Variants in SOX5 observed in about 807,000 individuals in gnomAD.
SOX5 encodes the protein transcription factor SOX-5.
A neutral mutation model predicts 92.0 loss-of-function variants in SOX5; 9 were observed. That is an observed-to-expected ratio of 0.10 (90% CI 0.06 to 0.17). The LOEUF is 0.17. SOX5 is among the 10% of genes least tolerant of loss of function. SOX5 has a pLI of 1.00. For synonymous variants in SOX5, 344 were observed against 336.3 expected, an observed-to-expected ratio of 1.02 and a Z score of -0.25; for missense variants, 642 against 944.5, an observed-to-expected ratio of 0.68 and a Z score of 4.20.
At chr12:23,740,206 C>T (rs748851534) in intron 5 of SOX5, among the ~76,000 whole-genome samples, 4 of 152,166 alleles carry the variant, frequency 2.6e-5, no homozygotes, top group Non-Finnish European at 2.9e-5. Context: ...TGTAATTCAA[C>T]ATCATAAAAC....
chr12:23,715,673 T>C (rs890172461), intron 6 of SOX5, among the ~76,000 whole-genome samples: 1 of 152,030 alleles, frequency 6.6e-6, no homozygotes, highest in Non-Finnish European at 1.5e-5. Flanking sequence ...AAGACGCCAG[T>C]TGTGGCGAAG....
chr12:23,880,086 T>C (rs1465295645), intron 2 of SOX5, among the ~76,000 whole-genome samples: 4 of 152,048 alleles, frequency 2.6e-5, no homozygotes, highest in Non-Finnish European at 5.9e-5. Flanking sequence ...AGAATTAAGC[T>C]CTAGAGGAGC....
intron 6 of SOX5, among the ~76,000 whole-genome samples, chr12:23,727,457 A>G (rs2093194502): frequency 6.6e-6 from 1 of 152,138 alleles, no homozygotes; most frequent in Admixed American, 6.6e-5. Context: ...TAATAAGACC[A>G]ATAACATAAG....
At chr12:23,596,500 C>T (rs559418241) in intron 9 of SOX5, among the ~76,000 whole-genome samples, 36 of 152,266 alleles carry the variant, frequency 2.4e-4, no homozygotes, top group African/African-American at 8.7e-4. Flanking sequence ...GGAACCAACT[C>T]TGACATTAAG....
intron 1 of SOX5, among the ~76,000 whole-genome samples, chr12:24,536,698 T>G (rs542604651): frequency 6.6e-6 from 1 of 152,174 alleles, no homozygotes; most frequent in South Asian, 2.1e-4. Context: ...CTAGCACCAG[T>G]TCTTGAAAAC....
At chr12:24,059,850 A>G (rs1939325561) in intron 4 of SOX5, among the ~76,000 whole-genome samples, 1 of 152,254 alleles carries the variant, frequency 6.6e-6, no homozygotes, top group African/African-American at 2.4e-5. Flanking sequence ...TGTGAAGGAT[A>G]CTGTGGGAGA....
chr12:23,598,461 C>T (rs988295109), intron 9 of SOX5, among the ~76,000 whole-genome samples: 7 of 138,150 alleles, frequency 5.1e-5, no homozygotes, highest in Admixed American at 8.1e-5. Context: ...TGCAGTGGCG[C>T]GATCTCGGCT....
At chr12:23,823,235 T>C (rs544190338) in intron 3 of SOX5, among the ~76,000 whole-genome samples, 1 of 152,320 alleles carries the variant, frequency 6.6e-6, no homozygotes, top group East Asian at 1.9e-4. Context: ...TTTTGGTTTG[T>C]TTTTGCAGTG....
chr12:24,183,040 G>A (rs1051012817), intron 4 of SOX5, among the ~76,000 whole-genome samples: 4 of 152,098 alleles, frequency 2.6e-5, no homozygotes, highest in Non-Finnish European at 5.9e-5. Context: ...TACTGAAATA[G>A]TGTCACTTTT....
intron 4 of SOX5, among the ~76,000 whole-genome samples, chr12:24,103,475 C>G (rs1164386476): frequency 6.6e-6 from 1 of 152,062 alleles, no homozygotes; most frequent in Non-Finnish European, 1.5e-5. Context: ...CCACCTCAGC[C>G]TCCCAAGTAG....
At position 23,604,546 on chromosome 12, in the gene SOX5, AAG is replaced by A; in HGVS notation, c.1018-15_1018-14del. 2 of 1,612,076 alleles carry A rather than the reference AAG, an allele frequency of 1.2e-6. No homozygotes were observed. The highest frequency in any genetic ancestry group is 1.7e-6 in the Non-Finnish European group (2 of 1,178,520). ...CAGCATATAACTGCTACAGAAGAAAAAGAGAGAGAGGGAGAAAGAATACTGTG... is the reference window on the plus strand; with the variant it reads ...CAGCATATAACTGCTACAGAAGAAAAAGAGAGAGGGAGAAAGAATACTGTG... On this transcript the variant is annotated splice_polypyrimidine_tract_variant and intron_variant, in intron 8 of 14. Transcript: ENST00000451604.
At chr12:24,456,050 C>G (rs1942984578) in intron 1 of SOX5, among the ~76,000 whole-genome samples, 1 of 152,172 alleles carries the variant, frequency 6.6e-6, no homozygotes, top group Non-Finnish European at 1.5e-5. Flanking sequence ...TTACTCCTCA[C>G]AGGTGTTAAT....
chr12:24,216,039 T>A (rs1430469772), intron 3 of SOX5, among the ~76,000 whole-genome samples: 1 of 152,174 alleles, frequency 6.6e-6, no homozygotes, highest in Non-Finnish European at 1.5e-5. Flanking sequence ...AATATATTTT[T>A]AAAAATCTGG....
intron 1 of SOX5, among the ~76,000 whole-genome samples, chr12:24,450,489 T>TTG (rs1566194842): frequency 4.0e-5 from 6 of 149,788 alleles, no homozygotes; most frequent in African/African-American, 1.2e-4. Context: ...TTTATTTATT[T>TTG]ATTTATTTAT....
At chr12:24,048,536 A>G (rs922196482) in intron 4 of SOX5, among the ~76,000 whole-genome samples, 1 of 152,212 alleles carries the variant, frequency 6.6e-6, no homozygotes, top group African/African-American at 2.4e-5. Flanking sequence ...AAACTTGTAC[A>G]TAAATGTTCA....
intron 1 of SOX5, among the ~76,000 whole-genome samples, chr12:24,474,509 T>C (rs1355677711): frequency 2.0e-5 from 3 of 152,182 alleles, no homozygotes; most frequent in African/African-American, 7.2e-5. Flanking sequence ...TAATTGTAAA[T>C]GATTTTCCGT....
Position 24,180,943 on chromosome 12 carries a change from A to G in SOX5, c.-2+32400T>C, listed in dbSNP as rs571611891. 2.0e-5 allele frequency among the ~76,000 whole-genome samples: 3 copies of G among 152,146 alleles called. 1 individual carries two copies. The highest frequency in any genetic ancestry group is 2.0e-4 in the Admixed American group (3 of 15,276). On this transcript the variant is annotated intron_variant, in intron 4 of 4. Coordinates refer to the SOX5 transcript ENST00000446891. ...GAATTTGTAGTTGAATTCGTCTCAG[A>G]TCTCCTATGCATCTCATTGTATAAG...
chr12:24,452,750 T>C (rs1942494001), intron 1 of SOX5, among the ~76,000 whole-genome samples: 1 of 152,166 alleles, frequency 6.6e-6, no homozygotes, highest in Non-Finnish European at 1.5e-5. Flanking sequence ...ATTTATGCCC[T>C]CCCAATTAAC....
Position 23,804,412 on chromosome 12 carries a change from C to A in SOX5, c.481+41571G>T, listed in dbSNP as rs146419075. Among the ~76,000 whole-genome samples, 1,296 of 152,074 alleles carry A rather than the reference C, an allele frequency of 8.5e-3. 32 individuals carry two copies. The highest frequency in any genetic ancestry group is 0.03 in the African/African-American group (1,231 of 41,476). On this transcript the variant is annotated intron_variant, in intron 3 of 14. Transcript: ENST00000451604. ...AAGGAAATTCCAGTAAGTGTGTGGCCAGGAAGAATAGGCAATGAGAAAAAT... is the reference window on the plus strand; with the variant it reads ...AAGGAAATTCCAGTAAGTGTGTGGCAAGGAAGAATAGGCAATGAGAAAAAT...
Sources: gnomAD v4.1 joint callset for allele counts (sites outside exome capture counted in the v4.1 genomes callset) on GRCh38, gnomAD v4.1.1 for gene constraint, MANE v1.5 for transcripts, NCBI Gene and HGNC (gene_info 2026-07-23, HGNC 2026-07-21) for gene names.